Variants in PARD3 observed in about 807,000 individuals in gnomAD.
PARD3 encodes the protein par-3 family cell polarity regulator, also known as partitioning defective 3 homolog.
In PARD3, 75 loss-of-function variants were observed where a neutral mutation model predicts 155.4. That is an observed-to-expected ratio of 0.48 (90% CI 0.40 to 0.58). The LOEUF is 0.58. Ranked by LOEUF, PARD3 falls within the 20% of genes least tolerant of loss-of-function variation. PARD3 has a pLI of 0.00. For missense variants in PARD3, 1,642 were observed against 1,721.7 expected (o/e 0.95, Z 0.82); for synonymous variants, 576 against 610.5 (o/e 0.94, Z 0.83).
At chr10:34,439,223 T>C (rs1800310599) in intron 5 of PARD3, among the ~76,000 whole-genome samples, 1 of 152,170 alleles carries the variant, frequency 6.6e-6, no homozygotes, top group Non-Finnish European at 1.5e-5. Context: ...GCTTTCATTT[T>C]TTCAATGGAA....
intron 22 of PARD3, among the ~76,000 whole-genome samples, chr10:34,207,744 G>A (rs568308918): frequency 4.6e-5 from 7 of 152,158 alleles, no homozygotes; most frequent in Admixed American, 1.3e-4. Flanking sequence ...CAAGAGTTTC[G>A]TTTTAAATCT....
intron 20 of PARD3, among the ~76,000 whole-genome samples, chr10:34,308,636 G>A (rs1402527699): frequency 6.6e-6 from 1 of 152,086 alleles, no homozygotes; most frequent in Non-Finnish European, 1.5e-5. Flanking sequence ...AGCGTGTGAA[G>A]TTTCAAGTGT....
At chr10:34,625,731 G>A (rs1438024850) in intron 2 of PARD3, among the ~76,000 whole-genome samples, 2 of 152,168 alleles carry the variant, frequency 1.3e-5, no homozygotes, top group African/African-American at 4.8e-5. Flanking sequence ...TGACTAACAT[G>A]GAGAAACCCT....
chr10:34,388,074 GACC>G (rs1251457836), intron 7 of PARD3, among the ~76,000 whole-genome samples: 2 of 152,122 alleles, frequency 1.3e-5, no homozygotes, highest in Non-Finnish European at 2.9e-5. Flanking sequence ...CAGTACAAGA[GACC>G]TGATGGGGGG....
intron 5 of PARD3, among the ~76,000 whole-genome samples, chr10:34,447,400 G>T (rs1468515178): frequency 1.4e-5 from 2 of 141,636 alleles, no homozygotes; most frequent in African/African-American, 5.2e-5. Flanking sequence ...AGAACTGCTT[G>T]AACCCAGGAG....
At chr10:34,670,869 C>A (rs528700320) in intron 2 of PARD3, among the ~76,000 whole-genome samples, 1 of 152,304 alleles carries the variant, frequency 6.6e-6, no homozygotes, top group South Asian at 2.1e-4. Context: ...CATCATCAAC[C>A]TGAAGTTGTG....
chr10:34,369,360 G>A (rs1840348262), intron 12 of PARD3, among the ~76,000 whole-genome samples: 1 of 151,284 alleles, frequency 6.6e-6, no homozygotes, highest in African/African-American at 2.4e-5. Context: ...TGGCTTATCT[G>A]CTATCGTTAG....
intron 2 of PARD3, among the ~76,000 whole-genome samples, chr10:34,525,974 G>C (rs368256360): frequency 1.3e-5 from 2 of 151,166 alleles, no homozygotes; most frequent in African/African-American, 4.9e-5. Context: ...TCAGCTACTC[G>C]GGAGGCTGAG....
intron 24 of PARD3, 134 bp downstream of exon 24, chr10:34,119,479 A>C: frequency 1.2e-6 from 1 of 850,452 alleles, no homozygotes; most frequent in Non-Finnish European, 1.7e-6. Flanking sequence ...GCCACGGGAC[A>C]TTTATTGGTT....
In PARD3 at chr10:34,337,257, C is replaced by G; in HGVS notation, c.2560+18G>C. 1 of 1,490,640 alleles carries G rather than the reference C, an allele frequency of 6.7e-7. No individual in the cohort carries two copies. Among genetic ancestry groups the G allele is most frequent in the East Asian group, 2.5e-5 (1 of 39,694 alleles). 92.3% of individuals were successfully genotyped at this position (1,490,640 alleles called of 1,614,324 possible). On this transcript the variant is annotated intron_variant, in intron 17 of 24. Transcript: ENST00000374788. ...TTTAAAACTTATTTAGATAAAGATT[C>G]ATGGAGATTGTACTCACTACCTAAA...
chr10:34,733,297 T>C (rs370653754), intron 1 of PARD3, among the ~76,000 whole-genome samples: 1 of 152,200 alleles, frequency 6.6e-6, no homozygotes, highest in Admixed American at 6.5e-5. Flanking sequence ...TCATTGACAG[T>C]GACTATTAGA....
intron 19 of PARD3, among the ~76,000 whole-genome samples, chr10:34,318,321 C>T (rs927606037): frequency 6.6e-6 from 1 of 152,178 alleles, no homozygotes; most frequent in Non-Finnish European, 1.5e-5. Flanking sequence ...GGTTCTCCTC[C>T]AAATACAATG....
At chr10:34,333,554 A>G (rs1835840248) in intron 18 of PARD3, among the ~76,000 whole-genome samples, 1 of 152,086 alleles carries the variant, frequency 6.6e-6, no homozygotes, top group Admixed American at 6.6e-5. Context: ...CTCTCTGTAT[A>G]TTTATGTATA....
chr10:34,201,505 G>A (rs1329802369), intron 22 of PARD3, among the ~76,000 whole-genome samples: 1 of 152,058 alleles, frequency 6.6e-6, no homozygotes, highest in African/African-American at 2.4e-5. Flanking sequence ...CTATACTAAG[G>A]GCATAGAATG....
chr10:34,686,273 C>T (rs1188163856), intron 2 of PARD3, among the ~76,000 whole-genome samples: 5 of 152,060 alleles, frequency 3.3e-5, no homozygotes, highest in East Asian at 1.9e-4. Flanking sequence ...GGTCCTTGTG[C>T]GATAATTTTC....
At position 34,728,677 on chromosome 10, in the gene PARD3, T is replaced by C. The variant is rs573631426; in HGVS notation, c.121-32258A>G. Among the ~76,000 whole-genome samples, 93 of 152,220 alleles carry C rather than the reference T, an allele frequency of 6.1e-4. 1 individual carries two copies. Among genetic ancestry groups the C allele is most frequent in the Non-Finnish European group, 1.2e-3 (79 of 68,034 alleles). ...ATCCCAAGCAGCAGTAAAAGGCTTT[T>C]ATTGCCCAGCAGAATACAACCATTT... On this transcript the variant is annotated intron_variant, in intron 1 of 24. Coordinates refer to ENST00000374788, the MANE Select transcript of PARD3 (RefSeq NM_001184785.2).
intron 1 of PARD3, among the ~76,000 whole-genome samples, chr10:34,719,532 G>A (rs566334743): frequency 6.6e-6 from 1 of 152,170 alleles, no homozygotes; most frequent in South Asian, 2.1e-4. Flanking sequence ...ACTAGACAAG[G>A]AAAACACAAA....
At chr10:34,754,940 C>T (rs573949894) in intron 1 of PARD3, among the ~76,000 whole-genome samples, 1 of 152,278 alleles carries the variant, frequency 6.6e-6, no homozygotes, top group South Asian at 2.1e-4. Context: ...ACATCCTTGA[C>T]CACAAGGACA....
intron 1 of PARD3, among the ~76,000 whole-genome samples, chr10:34,777,003 A>ATTTTTTTTTTTTTTTTTT (rs758917237): frequency 8.2e-6 from 1 of 122,410 alleles, no homozygotes; most frequent in Non-Finnish European, 1.7e-5. Flanking sequence ...TGTCTGGCTA[A>ATTTTTTTTTTTTTTTTTT]TTTTTTTTTT....
Sources: gnomAD v4.1 joint callset for allele counts (sites outside exome capture counted in the v4.1 genomes callset) on GRCh38, gnomAD v4.1.1 for gene constraint, MANE v1.5 for transcripts, NCBI Gene and HGNC (gene_info 2026-07-23, HGNC 2026-07-21) for gene names.